The following FBXW7 variants were observed in gnomAD, a reference collection of about 807,000 sequenced individuals.
FBXW7 encodes F-box/WD repeat-containing protein 7.
Under a neutral mutation model 86.3 loss-of-function variants are expected in FBXW7, and 11 were observed. The observed-to-expected ratio is 0.13, with a 90% CI of 0.08 to 0.21. The LOEUF (loss-of-function observed/expected upper bound fraction) is 0.21, where lower values mean the gene tolerates loss of function less well. Ranked by LOEUF, FBXW7 falls within the 10% of genes least tolerant of loss-of-function variation. The pLI is 1.00. For missense variants in FBXW7, 488 were observed against 847.4 expected, an observed-to-expected ratio of 0.58 and a Z score of 5.27; for synonymous variants, 313 against 297.9, an observed-to-expected ratio of 1.05 and a Z score of -0.52.
At chr4:152,452,968 G>C (rs1381862370) in intron 2 of FBXW7, among the ~76,000 whole-genome samples, 1 of 152,092 alleles carries the variant, frequency 6.6e-6, no homozygotes, top group Non-Finnish European at 1.5e-5. Context: ...GGGTTCCTGA[G>C]GTCAGGAGTT....
intron 2 of FBXW7, among the ~76,000 whole-genome samples, chr4:152,488,965 A>C: frequency 6.6e-6 from 1 of 152,098 alleles, no homozygotes; most frequent in African/African-American, 2.4e-5. Flanking sequence ...ACTGTAAGGT[A>C]GTTTATAATA....
At chr4:152,363,753 A>G (rs1733198867) in intron 4 of FBXW7, among the ~76,000 whole-genome samples, 1 of 152,278 alleles carries the variant, frequency 6.6e-6, no homozygotes, top group South Asian at 2.1e-4. Context: ...TAATTCAATG[A>G]AACGGTTTAA....
At chr4:152,513,141 G>A (rs903388497) in intron 2 of FBXW7, among the ~76,000 whole-genome samples, 6 of 152,196 alleles carry the variant, frequency 3.9e-5, no homozygotes, top group Non-Finnish European at 7.3e-5. Context: ...TTACAGGCAT[G>A]AGCCATTGCG....
At chr4:152,361,965 C>CAAAAAAAAAAAAAAAA (rs569330155) in intron 4 of FBXW7, among the ~76,000 whole-genome samples, 1 of 37,108 alleles carries the variant, frequency 2.7e-5, no homozygotes, top group Non-Finnish European at 5.8e-5. Context: ...GACTCCATCT[C>CAAAAAAAAAAAAAAAA]AAAAAAAAAA....
chr4:152,443,599 T>A (rs1329700969), intron 2 of FBXW7, among the ~76,000 whole-genome samples: 1 of 152,208 alleles, frequency 6.6e-6, no homozygotes, highest in Non-Finnish European at 1.5e-5. Context: ...AACCCAATTC[T>A]TTTTAAAAAC....
chr4:152,477,013 C>G (rs993413057), intron 2 of FBXW7, among the ~76,000 whole-genome samples: 1 of 151,938 alleles, frequency 6.6e-6, no homozygotes, highest in Non-Finnish European at 1.5e-5. Context: ...TGTAGCCCTC[C>G]TCTTCACACT....
chr4:152,428,185 CT>C (rs1739552302), intron 2 of FBXW7, among the ~76,000 whole-genome samples: 1 of 152,100 alleles, frequency 6.6e-6, no homozygotes, highest in Non-Finnish European at 1.5e-5. Context: ...TGACACCATA[CT>C]AAACTCATGA....
intron 8 of FBXW7, 115 bp downstream of exon 8, chr4:152,332,481 A>C: frequency 1.8e-6 from 2 of 1,091,002 alleles, no homozygotes; most frequent in South Asian, 2.3e-5. Flanking sequence ...GTGTAGAATA[A>C]TCTGTGGATT....
chr4:152,340,230 T>G (rs1438940196), intron 6 of FBXW7, among the ~76,000 whole-genome samples: 1 of 152,112 alleles, frequency 6.6e-6, no homozygotes, highest in African/African-American at 2.4e-5. Flanking sequence ...ACGTCTCAAT[T>G]TAAATTATCT....
chr4:152,535,597 G>A lies in FBXW7; in HGVS notation c.-683C>T. On this transcript the variant is annotated 5_prime_UTR_variant, in exon 1 of 14. Transcript: ENST00000281708. Reference sequence around the variant, plus strand: ...TGGCCGAGTCGGCGGCAAGGCGAGGGACCCGGCCGGCTCCGCTCGGCGCCG... The same window carrying A: ...TGGCCGAGTCGGCGGCAAGGCGAGGAACCCGGCCGGCTCCGCTCGGCGCCG... 2.5e-6 allele frequency: 1 copy of A among 397,100 alleles called. No individual in the cohort carries two copies. Among genetic ancestry groups the A allele is most frequent in the Non-Finnish European group, 4.4e-6 (1 of 225,062 alleles). The allele number at this position is 397,100 out of a possible 1,614,324, so 24.6% of individuals were successfully genotyped here. A position where few individuals can be genotyped will look rare whatever the true frequency, so the allele number is the denominator to read the frequency against.
intron 2 of FBXW7, among the ~76,000 whole-genome samples, chr4:152,523,412 T>C (rs1318055261): frequency 1.4e-4 from 22 of 152,184 alleles, no homozygotes; most frequent in Admixed American, 1.4e-3. Context: ...ACAGTTAGAC[T>C]AGTCAGAAAA....
intron 6 of FBXW7, 133 bp from the exon 7 acceptor site, chr4:152,338,069 T>A (rs1029582008): frequency 2.5e-5 from 17 of 672,692 alleles, no homozygotes; most frequent in Non-Finnish European, 3.4e-5. Context: ...CTCCTTATAG[T>A]GACATTTTTT....
intron 13 of FBXW7, chr4:152,323,927 G>A: frequency 5.2e-6 from 2 of 387,780 alleles, no homozygotes; most frequent in Middle Eastern, 7.2e-4. Flanking sequence ...TCTTCTCACT[G>A]TTCTTAAAGG....
At chr4:152,348,711 T>C (rs1302958921) in intron 5 of FBXW7, 7 of 1,182,412 alleles carry the variant, frequency 5.9e-6, no homozygotes, top group South Asian at 2.7e-5. Context: ...AGAAGACTGA[T>C]ACATTTAAAA....
chr4:152,352,323 C>CGG, intron 4 of FBXW7: 3 of 832,904 alleles, frequency 3.6e-6, no homozygotes, highest in Non-Finnish European at 5.6e-6. Context: ...TATTTGCTTA[C>CGG]ATTCATGATA....
intron 2 of FBXW7, among the ~76,000 whole-genome samples, chr4:152,531,710 G>A (rs933834055): frequency 3.2e-4 from 48 of 152,090 alleles, no homozygotes; most frequent in African/African-American, 1.1e-3. Context: ...GCCTCACTTC[G>A]TCATATCAAG....
At chr4:152,371,551 G>A (rs751303358) in intron 4 of FBXW7, among the ~76,000 whole-genome samples, 9 of 152,076 alleles carry the variant, frequency 5.9e-5, no homozygotes, top group South Asian at 2.1e-4. Context: ...CAGGTAAATT[G>A]TATGTACATG....
intron 6 of FBXW7, among the ~76,000 whole-genome samples, chr4:152,341,663 A>G (rs1730753299): frequency 6.6e-6 from 1 of 152,174 alleles, no homozygotes; most frequent in Non-Finnish European, 1.5e-5. Flanking sequence ...GAGTGTTTCT[A>G]TTCTTTATAT....
At chr4:152,527,865 T>TATACACACACAC (rs1554003395) in intron 2 of FBXW7, among the ~76,000 whole-genome samples, 11 of 137,396 alleles carry the variant, frequency 8.0e-5, no homozygotes, top group African/African-American at 2.8e-4. Flanking sequence ...AAAAATTATA[T>TATACACACACAC]ACACACACAC....
Sources: gnomAD v4.1 joint callset for allele counts (sites outside exome capture counted in the v4.1 genomes callset) on GRCh38, gnomAD v4.1.1 for gene constraint, MANE v1.5 for transcripts, NCBI Gene and HGNC (gene_info 2026-07-23, HGNC 2026-07-21) for gene names.